Variants in SLC2A9 observed in about 807,000 individuals in gnomAD.
The protein encoded by SLC2A9 is solute carrier family 2, facilitated glucose transporter member 9.
A neutral mutation model predicts 50.6 loss-of-function variants in SLC2A9; 39 were observed. The observed-to-expected ratio is 0.77, with a 90% CI of 0.60 to 1.01. The LOEUF is 1.01. SLC2A9 is among the 50% of genes least tolerant of loss of function. SLC2A9 has a pLI of 0.00. For synonymous variants in SLC2A9, 324 were observed against 276.9 expected (o/e 1.17, Z -1.69); for missense variants, 686 against 677.6 (o/e 1.01, Z -0.14).
chr4:9,856,095 A>G (rs1316130959), intron 10 of SLC2A9, among the ~76,000 whole-genome samples: 2 of 152,228 alleles, frequency 1.3e-5, no homozygotes, highest in East Asian at 3.8e-4. Context: ...CATTGCAACA[A>G]AAACAAAAAT....
intron 2 of SLC2A9, chr4:10,009,406 C>T (rs3796838): frequency 0.76 from 115,872 of 152,180 alleles, 44,589 homozygotes; most frequent in Non-Finnish European, 0.83. Flanking sequence ...CTGTGGCTAA[C>T]TGGGCAGCTC....
intron 5 of SLC2A9, among the ~76,000 whole-genome samples, chr4:9,972,143 T>C (rs143465866): frequency 6.6e-6 from 1 of 152,192 alleles, no homozygotes; most frequent in South Asian, 2.1e-4. Context: ...TGTTTGTTAT[T>C]TAGATTGAAA....
intron 5 of SLC2A9, among the ~76,000 whole-genome samples, chr4:9,943,876 T>C (rs1748639317): frequency 6.6e-6 from 1 of 152,164 alleles, no homozygotes; most frequent in Non-Finnish European, 1.5e-5. Context: ...GCCCTTCCCA[T>C]GGCTGTCTCC....
intron 10 of SLC2A9, among the ~76,000 whole-genome samples, chr4:9,882,059 T>C (rs192148839): frequency 1.9e-4 from 29 of 152,344 alleles, no homozygotes; most frequent in African/African-American, 6.3e-4. Context: ...GACCTCTGCA[T>C]TGAGATAATA....
intron 10 of SLC2A9, among the ~76,000 whole-genome samples, chr4:9,859,243 A>C (rs1035057263): frequency 3.5e-4 from 4 of 11,514 alleles, no homozygotes; most frequent in Non-Finnish European, 7.5e-4. Context: ...TGTCCCTCTA[A>C]AGAACCCTAT....
chr4:10,028,811 G>A (rs563879140), intron 1 of SLC2A9, among the ~76,000 whole-genome samples: 7 of 152,174 alleles, frequency 4.6e-5, no homozygotes, highest in Non-Finnish European at 1.0e-4. Flanking sequence ...GCTCAGAGAA[G>A]CGGTGCCTCC....
chr4:9,845,305 G>A (rs1018543578), intron 10 of SLC2A9, among the ~76,000 whole-genome samples: 1 of 151,586 alleles, frequency 6.6e-6, no homozygotes, highest in African/African-American at 2.4e-5. Context: ...GAGCCACCAC[G>A]CCCAGCCAAA....
intron 1 of SLC2A9, chr4:10,035,206 G>T (rs1171509857): frequency 6.6e-6 from 1 of 152,216 alleles, no homozygotes; most frequent in Non-Finnish European, 1.5e-5. Flanking sequence ...AGGCACCCAG[G>T]CTGGGCTCGG....
chr4:9,774,504 GC>G (rs1717272373), intron 1 of SLC2A9, among the ~76,000 whole-genome samples: 2 of 152,210 alleles, frequency 1.3e-5, no homozygotes, highest in African/African-American at 4.8e-5. Flanking sequence ...TTGCCATGCT[GC>G]CCACCAAACA....
intron 10 of SLC2A9, among the ~76,000 whole-genome samples, chr4:9,852,339 G>A (rs908788464): frequency 4.6e-5 from 7 of 150,926 alleles, no homozygotes; most frequent in African/African-American, 1.7e-4. Flanking sequence ...TGCAAGCTCC[G>A]CTTCCCGGGT....
At chr4:9,860,826 A>G (rs972594143) in intron 10 of SLC2A9, among the ~76,000 whole-genome samples, 2 of 152,212 alleles carry the variant, frequency 1.3e-5, no homozygotes, top group African/African-American at 4.8e-5. Flanking sequence ...TGGTGCATGC[A>G]TCTTCGGAGC....
chr4:9,941,642 A>G (rs1440955608), intron 6 of SLC2A9, among the ~76,000 whole-genome samples: 2 of 152,190 alleles, frequency 1.3e-5, no homozygotes, highest in Non-Finnish European at 2.9e-5. Flanking sequence ...CACTGCACAG[A>G]AGTGAGGGAA....
chr4:9,807,030 T>C (rs1020109151), intron 3 of SLC2A9, among the ~76,000 whole-genome samples: 1 of 152,118 alleles, frequency 6.6e-6, no homozygotes, highest in Non-Finnish European at 1.5e-5. Flanking sequence ...GGTGTTCACA[T>C]GGTTTGGGGT....
At chr4:9,849,379 G>A (rs1398342283) in intron 10 of SLC2A9, among the ~76,000 whole-genome samples, 1 of 152,216 alleles carries the variant, frequency 6.6e-6, no homozygotes, top group South Asian at 2.1e-4. Context: ...TCTCAGCATT[G>A]TTAACAACCA....
chr4:9,956,502 C>CA (rs1195581213), intron 5 of SLC2A9, among the ~76,000 whole-genome samples: 4 of 151,392 alleles, frequency 2.6e-5, no homozygotes, highest in Non-Finnish European at 5.9e-5. Context: ...AACAAAAAAA[C>CA]AAAAAAAAGT....
chr4:9,927,871 CAT>C (rs1560320091), intron 6 of SLC2A9, among the ~76,000 whole-genome samples: 1 of 152,204 alleles, frequency 6.6e-6, no homozygotes, highest in Non-Finnish European at 1.5e-5. Context: ...TTTTGAATGA[CAT>C]ATTGCTGTTT....
At chr4:9,943,944 G>C (rs1263416019) in intron 5 of SLC2A9, among the ~76,000 whole-genome samples, 1 of 152,218 alleles carries the variant, frequency 6.6e-6, no homozygotes, top group East Asian at 1.9e-4. Flanking sequence ...CATGTTAAAG[G>C]TGTGGCAGGC....
At chr4:9,868,353 C>A (rs1374865485) in intron 10 of SLC2A9, among the ~76,000 whole-genome samples, 1 of 152,214 alleles carries the variant, frequency 6.6e-6, no homozygotes, top group African/African-American at 2.4e-5. Context: ...CCCATAAACT[C>A]CCTTGGGCAG....
intron 3 of SLC2A9, among the ~76,000 whole-genome samples, chr4:9,786,360 A>T (rs189974035): frequency 2.6e-5 from 4 of 152,320 alleles, no homozygotes; most frequent in Admixed American, 6.5e-5. Context: ...TGGAGTCTTT[A>T]ATCCTAACTG....
Sources: allele counts gnomAD v4.1 joint callset (sites outside exome capture counted in the v4.1 genomes callset), GRCh38; gene constraint gnomAD v4.1.1; transcripts MANE v1.5; gene names NCBI Gene and HGNC (gene_info 2026-07-23, HGNC 2026-07-21).